Variants in GRIN2A observed in about 807,000 individuals in gnomAD.
The protein encoded by GRIN2A is glutamate ionotropic receptor NMDA type subunit 2A, also known as glutamate receptor ionotropic, NMDA 2A.
In GRIN2A, 22 loss-of-function variants were observed where a neutral mutation model predicts 113.4. That is an observed-to-expected ratio of 0.19 (90% CI 0.14 to 0.28). The LOEUF (loss-of-function observed/expected upper bound fraction) is 0.28. Among genes scored for constraint, GRIN2A ranks in the 10% least tolerant of loss-of-function variants. The pLI, the probability that GRIN2A is intolerant of heterozygous loss-of-function variation, is 1.00. For synonymous variants in GRIN2A, 827 were observed against 738.4 expected (o/e 1.12, Z -1.94); for missense variants, 1,502 against 1,887.0 (o/e 0.80, Z 3.78).
At chr16:10,039,808 G>GGGGAGAGAGAGAGAGAGAGAGAGA (rs1555469298) in intron 2 of GRIN2A, among the ~76,000 whole-genome samples, 1 of 63,812 alleles carries the variant, frequency 1.6e-5, no homozygotes, top group Non-Finnish European at 2.9e-5. Context: ...GGGAGGGGGG[G>GGGGAGAGAGAGAGAGAGAGAGAGA]GAGAAAGAGA....
intron 2 of GRIN2A, among the ~76,000 whole-genome samples, chr16:10,074,863 A>G (rs1046424181): frequency 1.3e-5 from 2 of 152,244 alleles, no homozygotes; most frequent in Non-Finnish European, 2.9e-5. Context: ...GAACTTTAAC[A>G]TGATAAATTT....
At chr16:9,880,786 C>T (rs746985077) in intron 4 of GRIN2A, among the ~76,000 whole-genome samples, 2 of 152,194 alleles carry the variant, frequency 1.3e-5, no homozygotes, top group Admixed American at 6.5e-5. Flanking sequence ...TGCTTATTCT[C>T]GTGAGACCTT....
chr16:10,179,893 C>CCCAAAAAAAAAAAAAAAAA, intron 2 of GRIN2A, 105 bp downstream of exon 2: 4 of 719,816 alleles, frequency 5.6e-6, no homozygotes, highest in East Asian at 7.2e-5. Flanking sequence ...CCCCCACCCC[C>CCCAAAAAAAAAAAAAAAAA]ACTTCACATC....
rs1396813794 is a variant in GRIN2A, at chr16:9,938,332, C to T, written c.634G>A (p.Asp212Asn). 3 of 1,613,976 alleles carry T rather than the reference C, an allele frequency of 1.9e-6. No individual in the cohort carries two copies. The highest frequency in any genetic ancestry group is 2.5e-6 in the Non-Finnish European group (3 of 1,179,888). ...TTCAGCTGGACTTGTGTCTTTGCAT[C>T]CTCAAAGGAAGTGTCCAGTGTGATC... Reference protein sequence around the residue: ...NVITLDTSFEDAKTQVQLKKI... With the variant: ...NVITLDTSFENAKTQVQLKKI... The change falls in exon 3 of 13, where the codon GAT becomes AAT. Residue 212 changes from aspartate to asparagine, a missense_variant. This residue lies in a region of GRIN2A where 334 missense variants were observed against 403.0 expected (regional missense o/e 0.83). Transcript: ENST00000330684.
At chr16:9,903,195 T>C (rs965960796) in intron 3 of GRIN2A, among the ~76,000 whole-genome samples, 9 of 152,048 alleles carry the variant, frequency 5.9e-5, no homozygotes, top group African/African-American at 2.2e-4. Flanking sequence ...GGTCTCAATC[T>C]CCTGACCTCA....
chr16:10,003,283 T>C (rs1024936219), intron 2 of GRIN2A, among the ~76,000 whole-genome samples: 1 of 151,938 alleles, frequency 6.6e-6, no homozygotes, highest in Non-Finnish European at 1.5e-5. Flanking sequence ...AAAAGGGTGG[T>C]AGAAGAAAGA....
chr16:10,161,855 C>G (rs183714643), intron 2 of GRIN2A, among the ~76,000 whole-genome samples: 231 of 152,330 alleles, frequency 1.5e-3, no homozygotes, highest in African/African-American at 5.4e-3. Flanking sequence ...ACTCCAATCT[C>G]TGCTTCTGTT....
intron 3 of GRIN2A, among the ~76,000 whole-genome samples, chr16:9,928,779 C>G (rs557267063): frequency 6.6e-6 from 1 of 152,148 alleles, no homozygotes; most frequent in Non-Finnish European, 1.5e-5. Context: ...CGTCGAGACC[C>G]AAAGCTTCAT....
chr16:9,769,124 C>T (rs371731353), intron 11 of GRIN2A, 35 bp from the exon 12 acceptor site: 12 of 1,499,536 alleles, frequency 8.0e-6, no homozygotes, highest in Admixed American at 6.7e-5. Context: ...GCAGTGAGGA[C>T]CAGAACATGC....
At chr16:9,958,064 T>C (rs540386261) in intron 2 of GRIN2A, among the ~76,000 whole-genome samples, 1 of 152,220 alleles carries the variant, frequency 6.6e-6, no homozygotes, top group Non-Finnish European at 1.5e-5. Context: ...ATCTCCAAGC[T>C]GGGTGACTAT....
intron 2 of GRIN2A, among the ~76,000 whole-genome samples, chr16:9,979,785 C>CTATATATATA (rs71157796): frequency 4.7e-4 from 58 of 122,332 alleles, no homozygotes; most frequent in East Asian, 1.5e-3. Flanking sequence ...GACTATGGGA[C>CTATATATATA]TATATATATA....
At chr16:10,121,716 G>A (rs1367276272) in intron 2 of GRIN2A, 1 of 152,202 alleles carries the variant, frequency 6.6e-6, no homozygotes, top group Non-Finnish European at 1.5e-5. Flanking sequence ...GCACAGGAAC[G>A]TGGGGGTTTT....
chr16:9,853,257 G>A lies in GRIN2A; in HGVS notation c.1123-3296C>T, dbSNP rs557099175. 7.9e-5 allele frequency among the ~76,000 whole-genome samples: 12 copies of A among 152,296 alleles called. No individual in the cohort carries two copies. In the South Asian group the frequency reaches 2.3e-3, roughly 29 times the overall value. On this transcript the variant is annotated intron_variant, in intron 4 of 12. Coordinates refer to ENST00000330684, the MANE Select transcript of GRIN2A (RefSeq NM_001134407.3). The stretch of plus-strand genomic sequence containing the variant: ...AAGTTGGGATTTACCTTAAGGGTTT[G>A]CTACAGACTGAATATTTGCGTCCCT...
chr16:10,108,695 A>C (rs898809100), intron 2 of GRIN2A, among the ~76,000 whole-genome samples: 2 of 152,204 alleles, frequency 1.3e-5, no homozygotes, highest in African/African-American at 4.8e-5. Context: ...TAACCACTAT[A>C]GATACTGCTG....
At chr16:9,968,473 C>G (rs1442744129) in intron 2 of GRIN2A, among the ~76,000 whole-genome samples, 2 of 152,126 alleles carry the variant, frequency 1.3e-5, no homozygotes, top group African/African-American at 2.4e-5. Context: ...GCCACCACAC[C>G]TGGCTAATTT....
intron 5 of GRIN2A, among the ~76,000 whole-genome samples, chr16:9,844,768 T>C (rs548729070): frequency 9.2e-5 from 14 of 152,254 alleles, no homozygotes; most frequent in African/African-American, 3.4e-4. Flanking sequence ...TTCCCACCAA[T>C]GATTTGACAG....
intron 2 of GRIN2A, among the ~76,000 whole-genome samples, chr16:9,949,728 A>AATGG (rs1390169927): frequency 1.4e-5 from 2 of 143,254 alleles, no homozygotes; most frequent in African/African-American, 2.6e-5. Flanking sequence ...CGGACAGATA[A>AATGG]ATGGATGGAT....
chr16:9,904,935 T>G (rs1437674885), intron 3 of GRIN2A, among the ~76,000 whole-genome samples: 3 of 152,214 alleles, frequency 2.0e-5, no homozygotes, highest in Admixed American at 2.0e-4. Flanking sequence ...CCATCCCAGT[T>G]GTCCCAGCAC....
At chr16:9,998,748 C>G (rs983578342) in intron 2 of GRIN2A, among the ~76,000 whole-genome samples, 1 of 152,008 alleles carries the variant, frequency 6.6e-6, no homozygotes, top group Non-Finnish European at 1.5e-5. Flanking sequence ...CTCTCCTTCT[C>G]CCTCCCTCCT....
Sources: allele counts gnomAD v4.1 joint callset (sites outside exome capture counted in the v4.1 genomes callset), GRCh38; gene constraint gnomAD v4.1.1; regional missense constraint gnomAD v4.1.1; transcripts MANE v1.5; gene names NCBI Gene and HGNC (gene_info 2026-07-23, HGNC 2026-07-21).